The following NPTX2 variants were observed in gnomAD, a reference collection of about 807,000 sequenced individuals.
The protein encoded by NPTX2 is neuronal pentraxin 2.
In NPTX2, 23 loss-of-function variants were observed where a neutral mutation model predicts 38.1. That is an observed-to-expected ratio of 0.60 (90% CI 0.43 to 0.85). NPTX2 has a LOEUF of 0.85. NPTX2 is among the 40% of genes least tolerant of loss of function. The probability of loss-of-function intolerance (pLI) is 0.00; values close to 1 mark genes in which losing one functional copy is unlikely to be tolerated. For synonymous variants in NPTX2, 291 were observed against 287.3 expected, an observed-to-expected ratio of 1.01 and a Z score of -0.13; for missense variants, 553 against 615.3, an observed-to-expected ratio of 0.90 and a Z score of 1.07.
At chr7:98,626,103 C>G (rs1475892397) in intron 3 of NPTX2, among the ~76,000 whole-genome samples, 1 of 147,154 alleles carries the variant, frequency 6.8e-6, no homozygotes, top group African/African-American at 2.5e-5. Context: ...ACTATGATCG[C>G]ACCACTGTAC....
chr7:98,626,936 C>G (rs747587754), intron 3 of NPTX2, among the ~76,000 whole-genome samples: 3 of 152,304 alleles, frequency 2.0e-5, no homozygotes, highest in African/African-American at 7.2e-5. Context: ...CACATCTGTT[C>G]GGTCCTCAGC....
chr7:98,627,353 A>C lies in NPTX2; in HGVS notation c.1068+9A>C. 6.2e-7 allele frequency: 1 copy of C among 1,611,968 alleles called. No homozygotes were observed. The highest frequency in any genetic ancestry group is 8.5e-7 in the Non-Finnish European group (1 of 1,179,268). On this transcript the variant is annotated intron_variant, in intron 4 of 4. Coordinates refer to ENST00000265634, the MANE Select transcript of NPTX2 (RefSeq NM_002523.3). The stretch of plus-strand genomic sequence containing the variant: ...TCCTTGGACAAGAGCAGGTGGGTGC[A>C]GGGCAGGTGCAGGTGGGCACAGGGT...
At chr7:98,627,585 G>A (rs926636871) in intron 4 of NPTX2, among the ~76,000 whole-genome samples, 1 of 152,176 alleles carries the variant, frequency 6.6e-6, no homozygotes, top group African/African-American at 2.4e-5. Context: ...GTGGTTAGAG[G>A]TTGGGCGTGG....
intron 2 of NPTX2, among the ~76,000 whole-genome samples, chr7:98,622,958 G>C (rs11971348): frequency 0.096 from 14,667 of 152,248 alleles, 801 homozygotes; most frequent in South Asian, 0.15. Context: ...ACCCTCCTTA[G>C]ATAGATGTGA....
At chr7:98,621,566 C>A (rs963234321) in intron 2 of NPTX2, among the ~76,000 whole-genome samples, 1 of 152,180 alleles carries the variant, frequency 6.6e-6, no homozygotes, top group African/African-American at 2.4e-5. Context: ...AGTAAACGCC[C>A]AGCCCTCCAC....
intron 4 of NPTX2, among the ~76,000 whole-genome samples, chr7:98,627,846 G>A (rs10224909): frequency 0.011 from 1,616 of 152,232 alleles, 35 homozygotes; most frequent in African/African-American, 0.036. Flanking sequence ...CCAGCAAGGG[G>A]CACTTAGGTA....
At position 98,628,699 on chromosome 7, in the gene NPTX2, C is replaced by T. The variant is rs1791394618; in HGVS notation, c.*70C>T. On this transcript the variant is annotated 3_prime_UTR_variant, in exon 5 of 5. Coordinates refer to ENST00000265634, the MANE Select transcript of NPTX2 (RefSeq NM_002523.3). ...TGGAAGTTCAGGGCCATAGACTGCC[C>T]CACTTAAACTCTTGTCAGTCTGGGC... 2.9e-6 allele frequency: 2 copies of T among 683,604 alleles called. No homozygotes were observed. The highest frequency in any genetic ancestry group is 2.1e-5 in the South Asian group (1 of 48,624). 42.3% of individuals were successfully genotyped at this position (683,604 alleles called of 1,614,324 possible).
At position 98,627,160 on chromosome 7, in the gene NPTX2, C is replaced by T; in HGVS notation, c.889-5C>T. Reference sequence around the variant, plus strand: ...AGGTCCTTACCTGCACATTGCTGCTCACAGGTTGCGCAGCTGCCCCTGTTT... The same window carrying T: ...AGGTCCTTACCTGCACATTGCTGCTTACAGGTTGCGCAGCTGCCCCTGTTT... On this transcript the variant is annotated splice_region_variant and splice_polypyrimidine_tract_variant and intron_variant, in intron 3 of 4. Coordinates refer to ENST00000265634, the MANE Select transcript of NPTX2 (RefSeq NM_002523.3). 6.2e-7 allele frequency: 1 copy of T among 1,610,342 alleles called. No homozygotes were observed. Among genetic ancestry groups the T allele is most frequent in the Non-Finnish European group, 8.5e-7 (1 of 1,177,304 alleles).
Position 98,627,173 on chromosome 7 carries a change from G to A in NPTX2, c.897G>A (p.Gln299=). The change falls in exon 4 of 5, where the codon CAG becomes CAA. Residue 299 remains glutamine, a synonymous_variant. Transcript: ENST00000265634. ...IELLINDKVA[Q]LPLFVSDGKW... Reference sequence around the variant, plus strand: ...CACATTGCTGCTCACAGGTTGCGCAGCTGCCCCTGTTTGTCAGTGACGGCA... The same window carrying A: ...CACATTGCTGCTCACAGGTTGCGCAACTGCCCCTGTTTGTCAGTGACGGCA... 6.2e-7 allele frequency: 1 copy of A among 1,612,978 alleles called. No individual in the cohort carries two copies. Among genetic ancestry groups the A allele is most frequent in the Non-Finnish European group, 8.5e-7 (1 of 1,179,218 alleles).
In NPTX2 at chr7:98,628,699, C is replaced by G; in HGVS notation, c.*70C>G. The G allele has an allele frequency of 1.5e-6, 1 of 683,722 alleles. No homozygotes were observed. The allele number at this position is 683,722 out of a possible 1,614,324, so 42.4% of individuals were successfully genotyped here. A position where few individuals can be genotyped will look rare whatever the true frequency, so the allele number is the denominator to read the frequency against. ...TGGAAGTTCAGGGCCATAGACTGCCCCACTTAAACTCTTGTCAGTCTGGGC... is the reference window on the plus strand; with the variant it reads ...TGGAAGTTCAGGGCCATAGACTGCCGCACTTAAACTCTTGTCAGTCTGGGC... On this transcript the variant is annotated 3_prime_UTR_variant, in exon 5 of 5. Coordinates refer to ENST00000265634, the MANE Select transcript of NPTX2 (RefSeq NM_002523.3).
At chr7:98,620,147 G>C in intron 2 of NPTX2, 1 of 458,618 alleles carries the variant, frequency 2.2e-6, no homozygotes, top group Non-Finnish European at 4.0e-6. Flanking sequence ...CGGATTCTGT[G>C]TATCTTTCTC....
chr7:98,623,786 T>C (rs1342187844), intron 2 of NPTX2, among the ~76,000 whole-genome samples: 1 of 152,210 alleles, frequency 6.6e-6, no homozygotes, highest in African/African-American at 2.4e-5. Flanking sequence ...TAAGACTTCC[T>C]TCTTCTAAGC....
chr7:98,617,934 C>T (rs1791200695), intron 1 of NPTX2, 47 bp downstream of exon 1: 2 of 1,520,722 alleles, frequency 1.3e-6, no homozygotes, highest in Non-Finnish European at 8.8e-7. Context: ...GGGACGCTCC[C>T]GAGTCGGGGG....
intron 4 of NPTX2, among the ~76,000 whole-genome samples, 174 bp downstream of exon 4, chr7:98,627,518 G>A (rs1442826305): frequency 6.6e-6 from 1 of 152,234 alleles, no homozygotes; most frequent in East Asian, 1.9e-4. Context: ...TGGCCACAGT[G>A]TCCTGACAGC....
chr7:98,624,164 C>T (rs1194849263), intron 2 of NPTX2, among the ~76,000 whole-genome samples: 3 of 152,090 alleles, frequency 2.0e-5, no homozygotes, highest in African/African-American at 4.8e-5. Context: ...GCTGTATTGC[C>T]CAGGCTGTTC....
At position 98,627,317 on chromosome 7, in the gene NPTX2, G is replaced by A. The variant is rs779833828; in HGVS notation, c.1041G>A (p.Gly347=). Residue 347 remains glycine (G), a synonymous_variant, in exon 4 of 5, where the codon GGG becomes GGA. Transcript: ENST00000265634. The stretch of plus-strand genomic sequence containing the variant: ...CCCCCTGGCACCCCATCAAGCCCGG[G>A]GGCGTGCTGATCCTTGGACAAGAGC... The part of the protein sequence containing the change: ...NLAPWHPIKP[G]GVLILGQEQD... The A allele has an allele frequency of 6.2e-7, 1 of 1,613,810 alleles. No individual in the cohort carries two copies. Among genetic ancestry groups the A allele is most frequent in the Non-Finnish European group, 8.5e-7 (1 of 1,179,952 alleles).
chr7:98,626,601 A>C (rs1048629611), intron 3 of NPTX2, among the ~76,000 whole-genome samples: 1 of 152,164 alleles, frequency 6.6e-6, no homozygotes, highest in African/African-American at 2.4e-5. Context: ...AGCAGCAACA[A>C]CGCGGTGGTT....
At chr7:98,627,837 C>G (rs1018717677) in intron 4 of NPTX2, among the ~76,000 whole-genome samples, 2 of 151,870 alleles carry the variant, frequency 1.3e-5, no homozygotes, top group African/African-American at 4.9e-5. Context: ...CCCTGATACC[C>G]AGCAAGGGGC....
chr7:98,628,600 A>T lies in NPTX2; in HGVS notation c.1267A>T (p.Thr423Ser), dbSNP rs1469442741. 1 of 1,581,652 alleles carries T rather than the reference A, an allele frequency of 6.3e-7. No homozygotes were observed. The highest frequency in any genetic ancestry group is 8.6e-7 in the Non-Finnish European group (1 of 1,159,290). Residue 423 changes from threonine (T) to serine (S), a missense_variant, in exon 5 of 5, where the codon ACG becomes TCG. Physicochemically the swap from Thr to Ser is moderately conservative, Grantham distance 58 (BLOSUM62 1). Transcript: ENST00000265634. ...AGGGGCCTCCAAGTGGCCCGTGGAGACGTGTGAGGAGCGTCTCCTTGACTT... is the reference window on the plus strand; with the variant it reads ...AGGGGCCTCCAAGTGGCCCGTGGAGTCGTGTGAGGAGCGTCTCCTTGACTT... ...FGGASKWPVE[T>S]CEERLLDL is the part of the protein sequence containing the mutation.
Sources: gnomAD v4.1 joint callset for allele counts (sites outside exome capture counted in the v4.1 genomes callset) on GRCh38, gnomAD v4.1.1 for gene constraint, MANE v1.5 for transcripts, NCBI Gene and HGNC (gene_info 2026-07-23, HGNC 2026-07-21) for gene names.